The following TSPAN11 variants were observed in gnomAD, a reference collection of about 807,000 sequenced individuals.
The protein encoded by TSPAN11 is tetraspanin 11, also known as tetraspanin-11.
Under a neutral mutation model 32.9 loss-of-function variants are expected in TSPAN11, and 29 were observed. That is an observed-to-expected ratio of 0.88 (90% CI 0.66 to 1.20). The LOEUF is 1.20. Among genes scored for constraint, TSPAN11 ranks in the 50% most tolerant of loss-of-function variants. The probability of loss-of-function intolerance (pLI) is 0.00; values close to 1 mark genes in which losing one functional copy is unlikely to be tolerated. For missense variants in TSPAN11, 283 were observed against 329.1 expected, an observed-to-expected ratio of 0.86 and a Z score of 1.08; for synonymous variants, 140 against 141.3, an observed-to-expected ratio of 0.99 and a Z score of 0.07.
rs190113554 is a variant in TSPAN11, at chr12:30,992,037, A to G, written c.*122A>G. 7 of 1,113,318 alleles carry G rather than the reference A, an allele frequency of 6.3e-6. No individual in the cohort carries two copies. In the Admixed American group the frequency reaches 7.2e-5, roughly 11 times the overall value. The allele number at this position is 1,113,318 out of a possible 1,614,324, so 69.0% of individuals were successfully genotyped here. Reference sequence around the variant, plus strand: ...CATAGATGCCCCCTCCTTTGTGCCTAGCTCCTGCGAATCCACCGAGTGCCT... The same window carrying G: ...CATAGATGCCCCCTCCTTTGTGCCTGGCTCCTGCGAATCCACCGAGTGCCT... On this transcript the variant is annotated 3_prime_UTR_variant, in exon 8 of 8. Transcript: ENST00000546076.
chr12:30,987,039 G>T (rs1939213934), intron 7 of TSPAN11, among the ~76,000 whole-genome samples: 3 of 152,246 alleles, frequency 2.0e-5, no homozygotes, highest in Admixed American at 2.0e-4. Flanking sequence ...CGTTGGATAT[G>T]AAGATGTGCT....
chr12:30,948,543 C>T (rs186553096), intron 1 of TSPAN11, among the ~76,000 whole-genome samples: 4 of 152,362 alleles, frequency 2.6e-5, no homozygotes, highest in Non-Finnish European at 5.9e-5. Context: ...CTTCCACCCT[C>T]TGAAGCCACA....
the TSPAN11 span, among the ~76,000 whole-genome samples, chr12:31,005,031 G>A: frequency 6.6e-6 from 1 of 152,226 alleles, no homozygotes; most frequent in Middle Eastern, 3.2e-3. Flanking sequence ...CACGCATTCT[G>A]AGCGAAGGCT....
chr12:30,960,734 T>G (rs756546688), intron 2 of TSPAN11, among the ~76,000 whole-genome samples: 3 of 151,964 alleles, frequency 2.0e-5, no homozygotes, highest in Non-Finnish European at 4.4e-5. Flanking sequence ...CCACAGGCTA[T>G]GGCTTTGAAA....
chr12:30,934,390 G>C (rs1330379520), intron 1 of TSPAN11, among the ~76,000 whole-genome samples: 1 of 152,226 alleles, frequency 6.6e-6, no homozygotes, highest in East Asian at 1.9e-4. Context: ...TGGCGTCTTA[G>C]TCCATTCTCA....
At chr12:30,962,490 C>T (rs1938633026) in intron 2 of TSPAN11, among the ~76,000 whole-genome samples, 1 of 152,214 alleles carries the variant, frequency 6.6e-6, no homozygotes. Flanking sequence ...TGCCACCCTG[C>T]CCCATGCTCA....
At chr12:30,997,298 G>A (rs2140319452), downstream of TSPAN11, 1 of 152,316 alleles carries the variant, frequency 6.6e-6, no homozygotes, top group South Asian at 2.1e-4. Context: ...TTCATTCACT[G>A]TTCTGTCTAG....
intron 1 of TSPAN11, among the ~76,000 whole-genome samples, chr12:30,952,110 A>G (rs1938393979): frequency 6.6e-6 from 1 of 152,144 alleles, no homozygotes; most frequent in Non-Finnish European, 1.5e-5. Context: ...TTTAGAGGGC[A>G]GGGCCCTGAC....
intron 2 of TSPAN11, among the ~76,000 whole-genome samples, chr12:30,956,512 C>G (rs548157615): frequency 5.7e-4 from 87 of 152,172 alleles, no homozygotes; most frequent in Admixed American, 5.9e-4. Flanking sequence ...AGGTGGCAAT[C>G]CTTCCCCATC....
Position 30,978,918 on chromosome 12 carries a change from G to T in TSPAN11, c.351+283G>T, listed in dbSNP as rs143269963. On this transcript the variant is annotated intron_variant, in intron 4 of 7. Coordinates refer to ENST00000546076, the MANE Select transcript of TSPAN11 (RefSeq NM_001370302.1). ...CCTCTCCCCTTCCAAGAATGGTCTA[G>T]AGGATGAATCCATCTGTCAGAGACA... 1.1e-3 allele frequency: 521 copies of T among 467,764 alleles called. 2 individuals carry two copies. Among genetic ancestry groups the T allele is most frequent in the African/African-American group, 9.2e-3 (479 of 52,140 alleles). The allele number at this position is 467,764 out of a possible 1,614,324, so 29.0% of individuals were successfully genotyped here. A position where few individuals can be genotyped will look rare whatever the true frequency, so the allele number is the denominator to read the frequency against.
chr12:30,991,761 T>A, intron 7 of TSPAN11, 95 bp from the exon 8 acceptor site: 1 of 1,330,866 alleles, frequency 7.5e-7, no homozygotes, highest in Non-Finnish European at 1.1e-6. Flanking sequence ...GGCCCCAGGG[T>A]ATTCGAGTGA....
rs540693709 is a variant in TSPAN11 at position 30,975,496 on chromosome 12, A to G, written c.277-3065A>G. 1.4e-4 allele frequency among the ~76,000 whole-genome samples: 21 copies of G among 152,136 alleles called. No individual in the cohort carries two copies. The highest frequency in any genetic ancestry group is 1.4e-3 in the Admixed American group (21 of 15,288). On this transcript the variant is annotated intron_variant, in intron 3 of 7. Transcript: ENST00000546076. The surrounding 1 kb of genome is among the most constrained non-coding windows in gnomAD (Gnocchi z 4.5). Reference sequence around the variant, plus strand: ...AAGGCTATCCCCACACACCACCGCCACTGCCAAGCTCTCTCCCCTCCTCCT... The same window carrying G: ...AAGGCTATCCCCACACACCACCGCCGCTGCCAAGCTCTCTCCCCTCCTCCT...
At chr12:30,969,700 A>G (rs1202183471) in intron 3 of TSPAN11, among the ~76,000 whole-genome samples, 6 of 152,164 alleles carry the variant, frequency 3.9e-5, no homozygotes, top group Admixed American at 6.5e-5. Context: ...GATTTTCTGC[A>G]GTGGATGTTC....
At chr12:30,951,584 T>C (rs1938382376) in intron 1 of TSPAN11, among the ~76,000 whole-genome samples, 1 of 152,212 alleles carries the variant, frequency 6.6e-6, no homozygotes, top group South Asian at 2.1e-4. Flanking sequence ...TAACCCTATT[T>C]CATAGGGGTA....
chr12:30,991,923 C>T lies in TSPAN11; in HGVS notation c.*8C>T. 1 of 1,614,164 alleles carries T rather than the reference C, an allele frequency of 6.2e-7. No individual in the cohort carries two copies. The highest frequency in any genetic ancestry group is 8.5e-7 in the Non-Finnish European group (1 of 1,180,016). Reference sequence around the variant, plus strand: ...CAGCGGCATTTTTACTAATGGCCAACCACCTCCTCTTCCAACTGCCCCTCA... The same window carrying T: ...CAGCGGCATTTTTACTAATGGCCAATCACCTCCTCTTCCAACTGCCCCTCA... On this transcript the variant is annotated 3_prime_UTR_variant, in exon 8 of 8. Coordinates refer to ENST00000546076, the MANE Select transcript of TSPAN11 (RefSeq NM_001370302.1).
chr12:30,966,192 A>T (rs1243053456), intron 3 of TSPAN11, among the ~76,000 whole-genome samples: 1 of 151,972 alleles, frequency 6.6e-6, no homozygotes, highest in Non-Finnish European at 1.5e-5. Context: ...CAGGCAGGGA[A>T]CAGAGAGTGG....
At chr12:30,977,255 C>T (rs747525750) in intron 3 of TSPAN11, among the ~76,000 whole-genome samples, 2 of 152,188 alleles carry the variant, frequency 1.3e-5, no homozygotes, top group Non-Finnish European at 2.9e-5. Flanking sequence ...TTAGCATTGC[C>T]TCTGAAATGC....
chr12:30,990,457 A>G (rs1329018282), intron 7 of TSPAN11, among the ~76,000 whole-genome samples: 1 of 152,234 alleles, frequency 6.6e-6, no homozygotes, highest in Admixed American at 6.5e-5. Flanking sequence ...GGAAACCTGC[A>G]TGGGTGGAAC....
intron 1 of TSPAN11, among the ~76,000 whole-genome samples, chr12:30,938,662 C>T (rs1186059134): frequency 6.6e-6 from 1 of 152,160 alleles, no homozygotes; most frequent in Non-Finnish European, 1.5e-5. Context: ...GGTCTTGGAC[C>T]TTCTGCTGCT....
Sources: gnomAD v4.1 joint callset for allele counts (sites outside exome capture counted in the v4.1 genomes callset) on GRCh38, gnomAD v4.1.1 for gene constraint, Gnocchi (gnomAD v3.1) non-coding constraint, MANE v1.5 for transcripts, NCBI Gene and HGNC (gene_info 2026-07-23, HGNC 2026-07-21) for gene names.